The following WDPCP variants were observed in gnomAD, a reference collection of about 807,000 sequenced individuals.
The protein encoded by WDPCP is WD repeat-containing and planar cell polarity effector protein fritz homolog.
Under a neutral mutation model 93.1 loss-of-function variants are expected in WDPCP, and 71 were observed. That is an observed-to-expected ratio of 0.76 (90% CI 0.63 to 0.93). The LOEUF (loss-of-function observed/expected upper bound fraction) is 0.93, where lower values mean the gene tolerates loss of function less well. WDPCP is among the 40% of genes least tolerant of loss of function. The probability of loss-of-function intolerance (pLI) is 0.00; values close to 1 mark genes in which losing one functional copy is unlikely to be tolerated. For synonymous variants in WDPCP, 315 were observed against 315.0 expected (o/e 1.00, Z 0.00); for missense variants, 844 against 887.4 (o/e 0.95, Z 0.62).
chr2:63,345,630 A>C (rs1689139787), intron 12 of WDPCP, among the ~76,000 whole-genome samples: 1 of 152,224 alleles, frequency 6.6e-6, no homozygotes, highest in Non-Finnish European at 1.5e-5. Flanking sequence ...ATTGTTGATC[A>C]GAACTCTAGA....
intron 13 of WDPCP, among the ~76,000 whole-genome samples, chr2:63,291,861 C>T (rs377380383): frequency 8.6e-5 from 13 of 150,536 alleles, no homozygotes; most frequent in South Asian, 4.2e-4. Context: ...AGGCCGGGCG[C>T]GGGGGCTCAC....
upstream of WDPCP, chr2:63,588,637 G>T (rs927985733): frequency 4.1e-6 from 2 of 490,954 alleles, no homozygotes; most frequent in South Asian, 2.1e-5. Context: ...GCTAAGGGGT[G>T]ATTCTCCCCT....
At chr2:63,810,248 CT>C (rs964904539) in intron 2 of WDPCP, among the ~76,000 whole-genome samples, 4 of 152,238 alleles carry the variant, frequency 2.6e-5, no homozygotes, top group Admixed American at 2.6e-4. Flanking sequence ...CAAATACCAT[CT>C]TTTATGTTGA....
At position 63,404,168 on chromosome 2, in the gene WDPCP, C is replaced by A; in HGVS notation, c.1315G>T (p.Val439Phe). The change falls in exon 10 of 18, where the codon GTT (valine) becomes TTT (phenylalanine). Residue 439 changes from valine (V) to phenylalanine (F), a missense_variant. By Grantham distance (50) the Val-to-Phe change is conservative (BLOSUM62 -1). Transcript: ENST00000272321. ...SKLFDASSSL[V>F]QMQWIAPQVV... ...TGAGGAGCTATCCATTGCATTTGAA[C>A]AAGACTGCTGGAGGCATCAAATAAT... The A allele has an allele frequency of 6.2e-7, 1 of 1,614,108 alleles. No individual in the cohort carries two copies. Among genetic ancestry groups the A allele is most frequent in the Non-Finnish European group, 8.5e-7 (1 of 1,180,014 alleles).
intron 1 of WDPCP, among the ~76,000 whole-genome samples, chr2:63,562,700 A>G (rs375214988): frequency 6.6e-6 from 1 of 152,186 alleles, no homozygotes; most frequent in Non-Finnish European, 1.5e-5. Context: ...GAGCTTTCCA[A>G]TTGAAACTTA....
At chr2:63,752,262 CA>C in intron 2 of WDPCP, 1 of 805,468 alleles carries the variant, frequency 1.2e-6, no homozygotes, top group Non-Finnish European at 2.2e-6. Context: ...CCATACTGTT[CA>C]AAATAATCTC....
chr2:63,420,348 C>A (rs982594196), intron 9 of WDPCP, among the ~76,000 whole-genome samples: 4 of 114,160 alleles, frequency 3.5e-5, no homozygotes, highest in Non-Finnish European at 7.2e-5. Context: ...CATAGAGACA[C>A]CCCATCTTTA....
At chr2:63,783,027 G>A (rs1437614232) in intron 2 of WDPCP, among the ~76,000 whole-genome samples, 2 of 152,030 alleles carry the variant, frequency 1.3e-5, no homozygotes, top group Non-Finnish European at 2.9e-5. Flanking sequence ...AAACAGTATG[G>A]GGGTTTCTCA....
chr2:63,170,891 A>G (rs1673334789), intron 15 of WDPCP, among the ~76,000 whole-genome samples: 1 of 152,174 alleles, frequency 6.6e-6, no homozygotes, highest in Non-Finnish European at 1.5e-5. Context: ...GAGCAGAATG[A>G]CAAATCCAGA....
At chr2:63,758,413 G>T (rs1670000782) in intron 2 of WDPCP, among the ~76,000 whole-genome samples, 2 of 152,204 alleles carry the variant, frequency 1.3e-5, no homozygotes, top group South Asian at 4.2e-4. Context: ...GGGTAATCAG[G>T]AGAGGTTCTG....
intron 1 of WDPCP, among the ~76,000 whole-genome samples, chr2:63,520,154 C>A (rs1702822077): frequency 6.6e-6 from 1 of 152,082 alleles, no homozygotes; most frequent in Non-Finnish European, 1.5e-5. Flanking sequence ...AAGACTGGTT[C>A]TCCAAAATAA....
chr2:63,506,577 G>C (rs1054779012), intron 1 of WDPCP, among the ~76,000 whole-genome samples: 1 of 152,060 alleles, frequency 6.6e-6, no homozygotes, highest in African/African-American at 2.4e-5. Context: ...ACCAATGGCG[G>C]GGTGGAGGAA....
intron 10 of WDPCP, among the ~76,000 whole-genome samples, chr2:63,389,866 C>T (rs1246445752): frequency 2.0e-5 from 3 of 152,118 alleles, no homozygotes; most frequent in African/African-American, 7.2e-5. Flanking sequence ...TATATATGCA[C>T]CCAATACAGG....
At chr2:63,124,652 A>T (rs1190617780) in intron 17 of WDPCP, among the ~76,000 whole-genome samples, 3 of 152,202 alleles carry the variant, frequency 2.0e-5, no homozygotes, top group Non-Finnish European at 4.4e-5. Flanking sequence ...CCTCTGTGTT[A>T]CTAACAGTCT....
At chr2:63,588,811 G>GA (rs545957522), upstream of WDPCP, 97 of 597,568 alleles carry the variant, frequency 1.6e-4, no homozygotes, top group South Asian at 2.6e-4. Flanking sequence ...AGAAGAGCTT[G>GA]AAAAAAACCT....
intron 3 of WDPCP, chr2:63,622,908 AGGCCGGGGCTC>A (rs1709762776): frequency 1.6e-6 from 2 of 1,259,242 alleles, no homozygotes; most frequent in Non-Finnish European, 1.1e-6. Context: ...GGGCCGGGCC[AGGCCGGGGCTC>A]GGCGCACACC....
Position 63,415,121 on chromosome 2 carries a change from T to G in WDPCP, c.826-10464A>C, listed in dbSNP as rs576661435. On this transcript the variant is annotated intron_variant, in intron 9 of 17. Coordinates refer to ENST00000272321, the MANE Select transcript of WDPCP (RefSeq NM_015910.7). ...ACTTTAGTATAATCCCAGTGCTTTG[T>G]AATGCCAAGGCGGGAGGATTACTTG... Among the ~76,000 whole-genome samples the G allele has an allele frequency of 7.2e-4, 109 of 152,310 alleles. 1 individual carries two copies. Among genetic ancestry groups the G allele is most frequent in the African/African-American group, 2.5e-3 (102 of 41,564 alleles).
rs1669525942 is a variant in WDPCP at position 63,121,178 on chromosome 2, C to G, written c.*828G>C. ...TAAAAGTTGATAAGCATGCCTGCCC[C>G]TTTCTCCAGAGGGAAACAGTATCTG... On this transcript the variant is annotated 3_prime_UTR_variant, in exon 18 of 18. Transcript: ENST00000272321. Among the ~76,000 whole-genome samples the G allele has an allele frequency of 6.6e-6, 1 of 152,078 alleles. No homozygotes were observed. The highest frequency in any genetic ancestry group is 2.1e-4 in the South Asian group (1 of 4,832).
At chr2:63,128,480 G>C (rs1333825849) in intron 17 of WDPCP, among the ~76,000 whole-genome samples, 2 of 150,606 alleles carry the variant, frequency 1.3e-5, no homozygotes, top group Non-Finnish European at 3.0e-5. Context: ...TTTTATTGTG[G>C]TAAAATATAT....
Sources: allele counts gnomAD v4.1 joint callset (sites outside exome capture counted in the v4.1 genomes callset), GRCh38; gene constraint gnomAD v4.1.1; transcripts MANE v1.5; gene names NCBI Gene and HGNC (gene_info 2026-07-23, HGNC 2026-07-21).